Variants in SLC2A13 observed in about 807,000 individuals in gnomAD.
SLC2A13 encodes the protein solute carrier family 2 member 13, also known as proton myo-inositol cotransporter.
Under a neutral mutation model 64.4 loss-of-function variants are expected in SLC2A13, and 32 were observed. That is an observed-to-expected ratio of 0.50 (90% CI 0.37 to 0.67). The LOEUF (loss-of-function observed/expected upper bound fraction) is 0.67. Among genes scored for constraint, SLC2A13 ranks in the 30% least tolerant of loss-of-function variants. The pLI is 0.00. For missense variants in SLC2A13, 743 were observed against 829.2 expected, an observed-to-expected ratio of 0.90 and a Z score of 1.28; for synonymous variants, 338 against 327.1, an observed-to-expected ratio of 1.03 and a Z score of -0.36.
chr12:40,021,667 C>G (rs568720491), intron 3 of SLC2A13, among the ~76,000 whole-genome samples: 1 of 152,260 alleles, frequency 6.6e-6, no homozygotes, highest in Non-Finnish European at 1.5e-5. Flanking sequence ...AACAATTTAT[C>G]AATATCTATT....
chr12:39,878,880 A>G (rs995600116), intron 4 of SLC2A13, among the ~76,000 whole-genome samples: 1 of 152,266 alleles, frequency 6.6e-6, no homozygotes, highest in Non-Finnish European at 1.5e-5. Context: ...AGAGAACTTC[A>G]CAACAGGTCT....
intron 1 of SLC2A13, among the ~76,000 whole-genome samples, chr12:40,066,630 C>CA (rs1323433389): frequency 6.6e-6 from 1 of 151,902 alleles, no homozygotes; most frequent in Non-Finnish European, 1.5e-5. Flanking sequence ...TAGCTGGAGA[C>CA]AAAAAAGTAC....
chr12:39,962,187 T>A (rs1410084162), intron 3 of SLC2A13, among the ~76,000 whole-genome samples: 1 of 152,144 alleles, frequency 6.6e-6, no homozygotes, highest in Admixed American at 6.5e-5. Context: ...TGCCTCCCGG[T>A]TCAAGTGATT....
intron 1 of SLC2A13, among the ~76,000 whole-genome samples, chr12:40,051,598 G>C (rs17489267): frequency 0.023 from 3,459 of 152,236 alleles, 137 homozygotes; most frequent in African/African-American, 0.078. Context: ...AAGAGTCAGA[G>C]GGGCCTTGGA....
chr12:40,014,969 C>A lies in SLC2A13; in HGVS notation c.925+13332G>T, dbSNP rs1947599535. 2.0e-5 allele frequency among the ~76,000 whole-genome samples: 3 copies of A among 152,182 alleles called. 1 individual carries two copies. The South Asian group carries it at 6.2e-4, about 32-fold the overall frequency. On this transcript the variant is annotated intron_variant, in intron 3 of 9. Transcript: ENST00000280871. ...CGCTGAATTAAGTAATATGTAAAAA[C>A]TCCAAGACTAAATTAAATATACATC...
At chr12:40,055,399 C>T (rs552611689) in intron 1 of SLC2A13, among the ~76,000 whole-genome samples, 1 of 152,272 alleles carries the variant, frequency 6.6e-6, no homozygotes, top group African/African-American at 2.4e-5. Context: ...TGTTAGATTG[C>T]TTGAGAATCT....
intron 3 of SLC2A13, among the ~76,000 whole-genome samples, chr12:40,022,342 G>A (rs1947734108): frequency 6.6e-6 from 1 of 152,180 alleles, no homozygotes; most frequent in Non-Finnish European, 1.5e-5. Flanking sequence ...CTACTACAGT[G>A]ACTAGCAACT....
At chr12:39,983,239 A>C (rs1946950816) in intron 3 of SLC2A13, among the ~76,000 whole-genome samples, 1 of 137,732 alleles carries the variant, frequency 7.3e-6, no homozygotes, top group Admixed American at 7.3e-5. Flanking sequence ...AAGAAAACCT[A>C]GGCATTACCA....
intron 4 of SLC2A13, chr12:39,950,181 T>A (rs544245358): frequency 6.6e-6 from 1 of 152,260 alleles, no homozygotes; most frequent in Non-Finnish European, 1.5e-5. Context: ...CCTTCTTTTT[T>A]AAAAATATTT....
In SLC2A13 at chr12:39,896,498, ATATG is replaced by A. The variant is rs201369987; in HGVS notation, c.1035-24541_1035-24538del. ...TGTATATGTGTATATATGTACACAT[ATATG>A]TATGTACATGTGTGTATACATGTAT... is the stretch of plus-strand genomic sequence containing the variant. On this transcript the variant is annotated intron_variant, in intron 4 of 9. Transcript: ENST00000280871. Among the ~76,000 whole-genome samples the A allele has an allele frequency of 2.8e-3, 419 of 147,556 alleles. 17 individuals carry two copies. The East Asian group carries it at 0.058, about 20-fold the overall frequency.
At chr12:39,964,203 T>C (rs548187904) in intron 3 of SLC2A13, among the ~76,000 whole-genome samples, 1 of 152,322 alleles carries the variant, frequency 6.6e-6, no homozygotes, top group South Asian at 2.1e-4. Context: ...GTAGTTCTTG[T>C]CCCTCCCTCA....
At chr12:39,794,495 C>T (rs772857289) in intron 7 of SLC2A13, among the ~76,000 whole-genome samples, 1 of 152,146 alleles carries the variant, frequency 6.6e-6, no homozygotes, top group Non-Finnish European at 1.5e-5. Flanking sequence ...TAGACTGTAA[C>T]CTACTCTTGT....
intron 4 of SLC2A13, among the ~76,000 whole-genome samples, chr12:39,902,975 A>G (rs1260750159): frequency 2.0e-5 from 3 of 152,130 alleles, no homozygotes; most frequent in African/African-American, 7.2e-5. Context: ...GTTTGTTCAT[A>G]AAAAGCTAAT....
chr12:39,950,815 C>A, intron 4 of SLC2A13: 1 of 160,914 alleles, frequency 6.2e-6, no homozygotes, highest in Non-Finnish European at 1.4e-5. Context: ...TTATAATAAA[C>A]GTACTTCTAC....
intron 3 of SLC2A13, among the ~76,000 whole-genome samples, chr12:39,956,524 A>G (rs146589548): frequency 2.6e-5 from 4 of 152,350 alleles, no homozygotes; most frequent in Non-Finnish European, 5.9e-5. Context: ...TAGAGACTTT[A>G]GATGTCAGGA....
At chr12:39,927,425 T>C (rs1435734942) in intron 4 of SLC2A13, among the ~76,000 whole-genome samples, 1 of 152,136 alleles carries the variant, frequency 6.6e-6, no homozygotes, top group Non-Finnish European at 1.5e-5. Flanking sequence ...CTCTTGAGTT[T>C]TTTTCCCCCA....
At chr12:39,889,512 C>T (rs1216258680) in intron 4 of SLC2A13, among the ~76,000 whole-genome samples, 1 of 149,234 alleles carries the variant, frequency 6.7e-6, no homozygotes, top group East Asian at 1.9e-4. Context: ...CGACTTTACG[C>T]TTCAGTGGTA....
chr12:39,972,014 ATTTT>A (rs1217967420), intron 3 of SLC2A13, among the ~76,000 whole-genome samples: 1 of 12,252 alleles, frequency 8.2e-5, no homozygotes, highest in Non-Finnish European at 2.8e-4. Flanking sequence ...ATATATATAT[ATTTT>A]TTTTTATATA....
chr12:39,980,853 C>T (rs1245009628), intron 3 of SLC2A13, among the ~76,000 whole-genome samples: 1 of 151,954 alleles, frequency 6.6e-6, no homozygotes, highest in Non-Finnish European at 1.5e-5. Context: ...CTCTCCACCC[C>T]AAATCAACAG....
Sources: gnomAD v4.1 joint callset for allele counts (sites outside exome capture counted in the v4.1 genomes callset) on GRCh38, gnomAD v4.1.1 for gene constraint, MANE v1.5 for transcripts, NCBI Gene and HGNC (gene_info 2026-07-23, HGNC 2026-07-21) for gene names.